Variants in DCLK1 observed in about 807,000 individuals in gnomAD.
DCLK1 encodes the protein doublecortin like kinase 1, also known as serine/threonine-protein kinase DCLK1.
DCLK1 carries 16 observed loss-of-function variants against 86.2 expected under a neutral mutation model. The observed-to-expected ratio is 0.19, with a 90% CI of 0.13 to 0.28. DCLK1 has a LOEUF of 0.28. Ranked by LOEUF, DCLK1 falls within the 10% of genes least tolerant of loss-of-function variation. DCLK1 has a pLI of 1.00. For synonymous variants in DCLK1, 369 were observed against 370.5 expected, an observed-to-expected ratio of 1.00 and a Z score of 0.05; for missense variants, 590 against 940.2, an observed-to-expected ratio of 0.63 and a Z score of 4.87.
chr13:35,822,551 C>T (rs777710800), intron 11 of DCLK1, among the ~76,000 whole-genome samples, 178 bp downstream of exon 11: 8 of 151,958 alleles, frequency 5.3e-5, no homozygotes, highest in East Asian at 3.9e-4. Context: ...TTCTTAAGGG[C>T]GCATTAACTC....
intron 5 of DCLK1, among the ~76,000 whole-genome samples, chr13:35,864,909 C>T (rs986304279): frequency 6.6e-6 from 1 of 152,068 alleles, no homozygotes; most frequent in Non-Finnish European, 1.5e-5. Context: ...GCCTAGGCCT[C>T]CCAAAGTGTT....
At chr13:36,125,704 C>T in intron 2 of DCLK1, 58 bp downstream of exon 2, 2 of 1,559,056 alleles carry the variant, frequency 1.3e-6, no homozygotes, top group Non-Finnish European at 1.7e-6. Context: ...GGCTACAACA[C>T]TGGAAATCTG....
intron 3 of DCLK1, among the ~76,000 whole-genome samples, chr13:35,950,263 T>A (rs921000666): frequency 2.6e-5 from 4 of 152,226 alleles, no homozygotes. Flanking sequence ...ATCTGTGCAC[T>A]TCAATGCACT....
At chr13:36,130,134 T>C (rs1886313117) in intron 1 of DCLK1, among the ~76,000 whole-genome samples, 1 of 152,096 alleles carries the variant, frequency 6.6e-6, no homozygotes, top group Non-Finnish European at 1.5e-5. Context: ...GGTGTGTGCA[T>C]ATCTTTTATA....
At chr13:35,881,219 C>T (rs1220511235) in intron 4 of DCLK1, among the ~76,000 whole-genome samples, 1 of 152,186 alleles carries the variant, frequency 6.6e-6, no homozygotes, top group Non-Finnish European at 1.5e-5. Flanking sequence ...GGAAGCCAAA[C>T]AATAACCCTT....
At chr13:35,896,612 T>C (rs1367413877) in intron 4 of DCLK1, among the ~76,000 whole-genome samples, 1 of 151,768 alleles carries the variant, frequency 6.6e-6, no homozygotes, top group Non-Finnish European at 1.5e-5. Flanking sequence ...GTAAAGATTT[T>C]TTTTTCTTTG....
chr13:35,912,558 C>A (rs1875103271), intron 4 of DCLK1, among the ~76,000 whole-genome samples: 1 of 152,106 alleles, frequency 6.6e-6, no homozygotes. Flanking sequence ...CAGCTAGTGA[C>A]AACCGGACTT....
intron 5 of DCLK1, among the ~76,000 whole-genome samples, chr13:35,867,788 C>T (rs1218339525): frequency 6.6e-6 from 1 of 150,726 alleles, no homozygotes; most frequent in East Asian, 1.9e-4. Flanking sequence ...CTCATCAGTC[C>T]ATTCTTTAAC....
intron 16 of DCLK1, among the ~76,000 whole-genome samples, chr13:35,778,378 A>G (rs954214495): frequency 3.3e-5 from 5 of 152,082 alleles, no homozygotes; most frequent in African/African-American, 1.2e-4. Context: ...TGGACACTTG[A>G]TTTTCAAGCA....
At chr13:35,820,992 C>T (rs2087380270) in intron 11 of DCLK1, among the ~76,000 whole-genome samples, 1 of 152,218 alleles carries the variant, frequency 6.6e-6, no homozygotes, top group African/African-American at 2.4e-5. Context: ...TTCCCTGGCA[C>T]AGTACCTGAC....
chr13:36,098,985 T>G (rs150990874), intron 3 of DCLK1, among the ~76,000 whole-genome samples: 47 of 152,068 alleles, frequency 3.1e-4, no homozygotes, highest in African/African-American at 1.0e-3. Context: ...TTTTTTTTTT[T>G]TGAGAGAGTT....
At chr13:35,846,025 C>T in intron 6 of DCLK1, 2 of 985,412 alleles carry the variant, frequency 2.0e-6, no homozygotes, top group South Asian at 4.7e-5. Flanking sequence ...AACCACAGCA[C>T]AAAGTAACTG....
chr13:35,960,328 A>C (rs1442457906), intron 3 of DCLK1, among the ~76,000 whole-genome samples: 1 of 152,198 alleles, frequency 6.6e-6, no homozygotes, highest in Non-Finnish European at 1.5e-5. Context: ...TCTCTGCCCA[A>C]ATGTTAAAAA....
Position 35,958,236 on chromosome 13 carries a change from AT to A in DCLK1, c.724-10780del, listed in dbSNP as rs1566620923. 8.7e-4 allele frequency among the ~76,000 whole-genome samples: 119 copies of A among 136,478 alleles called. 1 individual carries two copies. Among genetic ancestry groups the A allele is most frequent in the African/African-American group, 2.4e-3 (88 of 36,468 alleles). The allele number at this position is 136,478 out of a possible 152,430, so 89.5% of individuals were successfully genotyped here. A position where few individuals can be genotyped will look rare whatever the true frequency, so the allele number is the denominator to read the frequency against. On this transcript the variant is annotated intron_variant, in intron 3 of 16. Transcript: ENST00000360631. ...CATCACCACCACCACTATAACCACCATCATCACCACCACCACTACCACTACT... is the reference window on the plus strand; with the variant it reads ...CATCACCACCACCACTATAACCACCACATCACCACCACCACTACCACTACT...
intron 11 of DCLK1, among the ~76,000 whole-genome samples, chr13:35,818,761 T>A (rs1292639719): frequency 6.6e-6 from 1 of 152,040 alleles, no homozygotes; most frequent in Non-Finnish European, 1.5e-5. Context: ...TGCCATCTAG[T>A]GGTGACTTGT....
intron 3 of DCLK1, among the ~76,000 whole-genome samples, chr13:36,065,179 A>G (rs1300815004): frequency 6.6e-6 from 1 of 152,162 alleles, no homozygotes; most frequent in Non-Finnish European, 1.5e-5. Context: ...CACCTCTACC[A>G]CATACTATGT....
intron 3 of DCLK1, among the ~76,000 whole-genome samples, chr13:36,051,384 T>C (rs151117384): frequency 2.6e-5 from 4 of 152,264 alleles, no homozygotes; most frequent in Non-Finnish European, 5.9e-5. Context: ...CATAATCACT[T>C]TACTGCTCAA....
At chr13:36,094,177 A>G (rs1884926532) in intron 3 of DCLK1, among the ~76,000 whole-genome samples, 1 of 152,194 alleles carries the variant, frequency 6.6e-6, no homozygotes, top group Non-Finnish European at 1.5e-5. Context: ...GCACCCCTCC[A>G]CAAATCATCT....
chr13:35,878,198 C>A (rs1016611491), intron 4 of DCLK1, among the ~76,000 whole-genome samples: 1 of 152,220 alleles, frequency 6.6e-6, no homozygotes, highest in Non-Finnish European at 1.5e-5. Context: ...ACAAAGCCAT[C>A]CTGGTATAAT....
Sources: gnomAD v4.1 joint callset for allele counts (sites outside exome capture counted in the v4.1 genomes callset) on GRCh38, gnomAD v4.1.1 for gene constraint, MANE v1.5 for transcripts, NCBI Gene and HGNC (gene_info 2026-07-23, HGNC 2026-07-21) for gene names.